The following KAT14 variants were observed in gnomAD, a reference collection of about 807,000 sequenced individuals.
KAT14 encodes cysteine-rich protein 2-binding protein.
A neutral mutation model predicts 78.4 loss-of-function variants in KAT14; 66 were observed. The observed-to-expected ratio is 0.84, with a 90% CI of 0.69 to 1.03. KAT14 has a LOEUF of 1.03. Among genes scored for constraint, KAT14 ranks in the 50% least tolerant of loss-of-function variants. The pLI, the probability that KAT14 is intolerant of heterozygous loss-of-function variation, is 0.00. For synonymous variants in KAT14, 344 were observed against 359.4 expected, an observed-to-expected ratio of 0.96 and a Z score of 0.48; for missense variants, 870 against 972.5, an observed-to-expected ratio of 0.89 and a Z score of 1.40.
intron 7 of KAT14, among the ~76,000 whole-genome samples, chr20:18,179,985 C>T (rs2039190683): frequency 6.6e-6 from 1 of 152,118 alleles, no homozygotes; most frequent in African/African-American, 2.4e-5. Context: ...TCTCCTGCCT[C>T]AGCCTCCCAA....
At chr20:18,182,750 T>C (rs2039305217) in intron 8 of KAT14, among the ~76,000 whole-genome samples, 2 of 152,210 alleles carry the variant, frequency 1.3e-5, no homozygotes, top group African/African-American at 2.4e-5. Flanking sequence ...TCCAAGCTCA[T>C]TGTGTCTCTG....
chr20:18,138,098 G>T (rs1360952946), intron 1 of KAT14, 47 bp downstream of exon 1: 2 of 1,429,810 alleles, frequency 1.4e-6, no homozygotes, highest in East Asian at 5.9e-5. Flanking sequence ...GCGCGGCGTC[G>T]ACCTGGGGCC....
rs71194228 is a variant in KAT14 at position 18,139,633 on chromosome 20, CGTGTGTGTGTGT to C, written c.-454+1613_-454+1624del. Among the ~76,000 whole-genome samples, 888 of 141,716 alleles carry C rather than the reference CGTGTGTGTGTGT, an allele frequency of 6.3e-3. 6 individuals carry two copies. The highest frequency in any genetic ancestry group is 9.1e-3 in the African/African-American group (358 of 39,430). The allele number at this position is 141,716 out of a possible 152,430, so 93.0% of individuals were successfully genotyped here. On this transcript the variant is annotated intron_variant, in intron 1 of 10. Transcript: ENST00000688188. The stretch of plus-strand genomic sequence containing the variant: ...AGTTAGAGCTGAAGAACCAAAATAA[CGTGTGTGTGTGT>C]GTGTGTGTGTGTGTGTGTGTGTGTG...
intron 7 of KAT14, among the ~76,000 whole-genome samples, chr20:18,163,215 GTC>G (rs748767069): frequency 1.4e-4 from 22 of 151,882 alleles, no homozygotes; most frequent in Non-Finnish European, 2.8e-4. Context: ...TGTCTCTCTT[GTC>G]TCTCTCTCTC....
chr20:18,145,040 G>A, intron 2 of KAT14, 193 bp from the exon 3 acceptor site: 1 of 1,289,784 alleles, frequency 7.8e-7, no homozygotes, highest in Non-Finnish European at 9.9e-7. Flanking sequence ...ACAGATCTTA[G>A]TGGGCGTATA....
chr20:18,187,414 G>A lies in KAT14; in HGVS notation c.2301G>A (p.Glu767=). The A allele has an allele frequency of 6.2e-7, 1 of 1,614,192 alleles. No homozygotes were observed. The change falls in exon 11 of 11, where the codon GAG becomes GAA. Residue 767 remains glutamate, a synonymous_variant. Coordinates refer to ENST00000688188, the MANE Select transcript of KAT14 (RefSeq NM_001392073.1). Reference sequence around the variant, plus strand: ...TCTATGATAAATATTACCCATTGGAGAGTACAGAGTGTAAACACGCATTCT... The same window carrying A: ...TCTATGATAAATATTACCCATTGGAAAGTACAGAGTGTAAACACGCATTCT... ...LDFYDKYYPL[E]STECKHAFFL...
At chr20:18,144,996 T>C (rs2037771360) in intron 2 of KAT14, 1 of 1,005,294 alleles carries the variant, frequency 9.9e-7, no homozygotes, top group African/African-American at 1.7e-5. Flanking sequence ...TACCTGCTTT[T>C]CCAGTACCTT....
intron 7 of KAT14, among the ~76,000 whole-genome samples, chr20:18,165,794 A>C (rs1052821375): frequency 1.3e-5 from 2 of 152,202 alleles, no homozygotes; most frequent in Non-Finnish European, 2.9e-5. Context: ...AAATCTGGGC[A>C]GAGGAAGTGG....
rs1357793281 is a variant in KAT14, at chr20:18,142,384, GACA to G, written c.-273_-271del. 1 of 1,527,970 alleles carries G rather than the reference GACA, an allele frequency of 6.5e-7. No homozygotes were observed. Among genetic ancestry groups the G allele is most frequent in the South Asian group, 1.2e-5 (1 of 83,144 alleles). 94.7% of individuals were successfully genotyped at this position (1,527,970 alleles called of 1,614,324 possible). A position where few individuals can be genotyped will look rare whatever the true frequency, so the allele number is the denominator to read the frequency against. The stretch of plus-strand genomic sequence containing the variant: ...TTGAATGTGAAATATCTGTTGGACA[GACA>G]ACACGAGTTTGTGTGTGTGTGTTGA... On this transcript the variant is annotated 5_prime_UTR_variant, in exon 2 of 11. Transcript: ENST00000688188.
intron 7 of KAT14, among the ~76,000 whole-genome samples, chr20:18,175,624 G>C (rs1473910190): frequency 1.3e-5 from 2 of 152,116 alleles, no homozygotes; most frequent in Non-Finnish European, 2.9e-5. Flanking sequence ...TTTAGAATTA[G>C]AAGTATAAAG....
At chr20:18,165,009 C>G (rs1391633578) in intron 7 of KAT14, among the ~76,000 whole-genome samples, 1 of 152,046 alleles carries the variant, frequency 6.6e-6, no homozygotes, top group Non-Finnish European at 1.5e-5. Flanking sequence ...ATGTGTCATA[C>G]AGATAGAAGG....
chr20:18,154,325 T>A (rs1455853862), intron 4 of KAT14, among the ~76,000 whole-genome samples: 1 of 152,248 alleles, frequency 6.6e-6, no homozygotes, highest in Admixed American at 6.5e-5. Flanking sequence ...ACTTACTTAT[T>A]TTTTTGAGAC....
chr20:18,184,852 G>A, intron 10 of KAT14, 60 bp downstream of exon 10: 3 of 1,520,802 alleles, frequency 2.0e-6, no homozygotes, highest in Non-Finnish European at 2.6e-6. Flanking sequence ...ACAACCTGGA[G>A]GAGGAATGAA....
At chr20:18,170,727 C>T (rs1365674478) in intron 7 of KAT14, among the ~76,000 whole-genome samples, 5 of 152,070 alleles carry the variant, frequency 3.3e-5, no homozygotes, top group South Asian at 2.1e-4. Context: ...TTAGTAGAGA[C>T]GGGATTTCAC....
intron 9 of KAT14, 66 bp downstream of exon 9, chr20:18,183,364 A>G: frequency 6.7e-7 from 1 of 1,488,178 alleles, no homozygotes; most frequent in Non-Finnish European, 9.0e-7. Context: ...AATTTTTAAA[A>G]TTAGTTTATG....
chr20:18,139,684 T>A (rs944749303), intron 1 of KAT14, among the ~76,000 whole-genome samples: 8 of 138,738 alleles, frequency 5.8e-5, no homozygotes, highest in Non-Finnish European at 9.7e-5. Context: ...GTTTATTTTT[T>A]TTCCTTTTAT....
At position 18,142,913 on chromosome 20, in the gene KAT14, C is replaced by T. The variant is rs1600214543; in HGVS notation, c.253C>T (p.Pro85Ser). Residue 85 changes from proline (P) to serine (S), a missense_variant, in exon 2 of 11, where the codon CCA becomes TCA. Coordinates refer to ENST00000688188, the MANE Select transcript of KAT14 (RefSeq NM_001392073.1). The part of the protein sequence containing the change: ...YFCDKCQKWI[P>S]ASQLREQLSY... ...CTGTGACAAGTGCCAAAAATGGATA[C>T]CAGCCAGTAAGGAGCTTCTCAATTC... 3.7e-6 allele frequency: 6 copies of T among 1,613,656 alleles called. No individual in the cohort carries two copies. The highest frequency in any genetic ancestry group is 1.3e-5 in the African/African-American group (1 of 75,036).
chr20:18,143,671 A>G (rs1385586406), intron 2 of KAT14, among the ~76,000 whole-genome samples: 2 of 136,310 alleles, frequency 1.5e-5, no homozygotes, highest in African/African-American at 5.5e-5. Flanking sequence ...CTTATTGCCC[A>G]GGCTGGAGTG....
chr20:18,185,490 T>G (rs1457087510), intron 10 of KAT14, among the ~76,000 whole-genome samples: 2 of 152,234 alleles, frequency 1.3e-5, no homozygotes, highest in Admixed American at 6.5e-5. Context: ...CATGAGCCAC[T>G]GTGCCTAGCT....
Sources: allele counts gnomAD v4.1 joint callset (sites outside exome capture counted in the v4.1 genomes callset), GRCh38; gene constraint gnomAD v4.1.1; transcripts MANE v1.5; gene names NCBI Gene and HGNC (gene_info 2026-07-23, HGNC 2026-07-21).